The following ANO1 variants were observed in gnomAD, a reference collection of about 807,000 sequenced individuals.
ANO1 encodes the protein anoctamin 1, also known as anoctamin-1.
In ANO1, 59 loss-of-function variants were observed where a neutral mutation model predicts 124.0. That is an observed-to-expected ratio of 0.48 (90% CI 0.39 to 0.59). The LOEUF (loss-of-function observed/expected upper bound fraction) is 0.59, where lower values mean the gene tolerates loss of function less well. Ranked by LOEUF, ANO1 falls within the 20% of genes least tolerant of loss-of-function variation. ANO1 has a pLI of 0.00. For synonymous variants in ANO1, 529 were observed against 532.0 expected (o/e 0.99, Z 0.08); for missense variants, 1,059 against 1,328.0 (o/e 0.80, Z 3.15).
chr11:69,992,088 C>A (rs1994774), intron 1 of ANO1, among the ~76,000 whole-genome samples: 27,647 of 151,998 alleles, frequency 0.18, 2,803 homozygotes, highest in Admixed American at 0.22. Context: ...CTAGCCCTAG[C>A]CCAGGGCCTG....
At chr11:70,142,240 G>C (rs1296404779) in intron 11 of ANO1, among the ~76,000 whole-genome samples, 1 of 152,204 alleles carries the variant, frequency 6.6e-6, no homozygotes, top group African/African-American at 2.4e-5. Context: ...GCTGCAAAAA[G>C]CCGGAGAAAG....
At chr11:70,141,827 G>C (rs998903814) in intron 11 of ANO1, 1 of 152,016 alleles carries the variant, frequency 6.6e-6, no homozygotes, top group South Asian at 2.1e-4. Flanking sequence ...TTTCTTTTCC[G>C]GCCTCCAGCT....
At chr11:69,994,409 T>C (rs1027567900) in intron 1 of ANO1, among the ~76,000 whole-genome samples, 1 of 152,020 alleles carries the variant, frequency 6.6e-6, no homozygotes, top group South Asian at 2.1e-4. Context: ...GATGGATAGA[T>C]GGACGGATGG....
Position 70,152,432 on chromosome 11 carries a change from T to C in ANO1, c.1342-18T>C, listed in dbSNP as rs374419690. 14 of 1,611,654 alleles carry C rather than the reference T, an allele frequency of 8.7e-6. No individual in the cohort carries two copies. Among genetic ancestry groups the C allele is most frequent in the African/African-American group, 1.3e-5 (1 of 74,910 alleles). ...GACATCTTTGTGTTTTTGTTTTTACTTTTCTGGTTCCCTGAAGGAGGCTGT... is the reference window on the plus strand; with the variant it reads ...GACATCTTTGTGTTTTTGTTTTTACCTTTCTGGTTCCCTGAAGGAGGCTGT... On this transcript the variant is annotated intron_variant, in intron 12 of 25. Transcript: ENST00000355303.
At chr11:70,118,134 G>A (rs1012432516) in intron 8 of ANO1, among the ~76,000 whole-genome samples, 5 of 151,596 alleles carry the variant, frequency 3.3e-5, no homozygotes, top group South Asian at 4.2e-4. Context: ...ATGGACACCA[G>A]TAGTCCCTTT....
chr11:70,140,543 AAAG>A (rs1002338090), intron 11 of ANO1, among the ~76,000 whole-genome samples: 20 of 152,126 alleles, frequency 1.3e-4, no homozygotes, highest in Non-Finnish European at 2.2e-4. Context: ...AGGAAAAAAA[AAAG>A]AAGAAGAAGA....
At chr11:70,048,372 A>G (rs1442913459) in intron 1 of ANO1, among the ~76,000 whole-genome samples, 2 of 152,062 alleles carry the variant, frequency 1.3e-5, no homozygotes, top group African/African-American at 4.8e-5. Flanking sequence ...TTTTTTTTTA[A>G]CAGATCAGTT....
At chr11:70,080,348 G>A (rs1014269162) in intron 1 of ANO1, among the ~76,000 whole-genome samples, 1 of 152,234 alleles carries the variant, frequency 6.6e-6, no homozygotes, top group Admixed American at 6.5e-5. Flanking sequence ...CCTGCCTGAA[G>A]AATAAACATT....
chr11:70,122,882 C>T (rs541724663), intron 8 of ANO1, among the ~76,000 whole-genome samples: 11 of 152,338 alleles, frequency 7.2e-5, no homozygotes, highest in African/African-American at 2.2e-4. Context: ...CCCAGGTTAG[C>T]GATGGCTGCT....
intron 1 of ANO1, among the ~76,000 whole-genome samples, chr11:70,008,957 C>T (rs552290608): frequency 1.7e-4 from 26 of 152,186 alleles, no homozygotes; most frequent in Middle Eastern, 3.4e-3. Context: ...GGGAAAATGT[C>T]GAGGAATCAG....
chr11:69,976,551 A>G, the ANO1 span, among the ~76,000 whole-genome samples: 44,270 of 82,340 alleles, frequency 0.54, 12,778 homozygotes, highest in South Asian at 0.79. Flanking sequence ...AAAAAAAAAA[A>G]AAAGAGAGAG....
At chr11:70,162,705 G>A (rs139358563) in intron 18 of ANO1, among the ~76,000 whole-genome samples, 30 of 150,856 alleles carry the variant, frequency 2.0e-4, no homozygotes, top group Admixed American at 5.3e-4. Context: ...TGCCATGCCC[G>A]CCCTCCTGGC....
chr11:70,052,872 T>C (rs1020073913), intron 1 of ANO1, among the ~76,000 whole-genome samples: 13 of 152,212 alleles, frequency 8.5e-5, no homozygotes, highest in African/African-American at 9.6e-5. Context: ...TTAATGGTTA[T>C]ACTATATTGA....
intron 1 of ANO1, among the ~76,000 whole-genome samples, chr11:70,052,531 CTTTTT>C (rs200770702): frequency 0.021 from 1,345 of 64,808 alleles, no homozygotes; most frequent in Non-Finnish European, 0.032. Flanking sequence ...TTTTTCTTTT[CTTTTT>C]TTTTTTTTTT....
chr11:70,153,042 T>C lies in ANO1; in HGVS notation c.1354-15T>C. The C allele has an allele frequency of 6.3e-7, 1 of 1,596,992 alleles. No homozygotes were observed. Among genetic ancestry groups the C allele is most frequent in the Non-Finnish European group, 8.5e-7 (1 of 1,171,538 alleles). ...AATTAACAAGGACTCTGTCTTGACTTGGTTTCATTCACAGGATCATCCTAG... is the reference window on the plus strand; with the variant it reads ...AATTAACAAGGACTCTGTCTTGACTCGGTTTCATTCACAGGATCATCCTAG... On this transcript the variant is annotated splice_polypyrimidine_tract_variant and intron_variant, in intron 13 of 25. Transcript: ENST00000355303.
chr11:70,169,284 G>A (rs994549378), intron 21 of ANO1, among the ~76,000 whole-genome samples: 1 of 152,074 alleles, frequency 6.6e-6, no homozygotes, highest in Non-Finnish European at 1.5e-5. Flanking sequence ...ACGGGGAGTG[G>A]CTCACCCGTT....
chr11:70,132,536 A>G (rs908813807), intron 11 of ANO1, among the ~76,000 whole-genome samples: 2 of 152,124 alleles, frequency 1.3e-5, no homozygotes, highest in African/African-American at 2.4e-5. Context: ...CCATTTTCGG[A>G]TAAGGAGGCG....
At chr11:69,974,501 C>T in the ANO1 span, among the ~76,000 whole-genome samples, 3 of 152,332 alleles carry the variant, frequency 2.0e-5, no homozygotes, top group East Asian at 1.9e-4. Context: ...AAGGAAAGGG[C>T]GTCTGCCCAA....
At chr11:70,161,577 G>A (rs753674952) in intron 17 of ANO1, 45 bp from the exon 18 acceptor site, 1 of 1,592,772 alleles carries the variant, frequency 6.3e-7, no homozygotes, top group Non-Finnish European at 8.6e-7. Flanking sequence ...GCTGTTGGGG[G>A]CCATCCCAGC....
Sources: allele counts gnomAD v4.1 joint callset (sites outside exome capture counted in the v4.1 genomes callset), GRCh38; gene constraint gnomAD v4.1.1; transcripts MANE v1.5; gene names NCBI Gene and HGNC (gene_info 2026-07-23, HGNC 2026-07-21).